HLA-DRB1: variants seen among roughly 807,000 people sequenced by gnomAD.
The protein encoded by HLA-DRB1 is major histocompatibility complex, class II, DR beta 1 precursor.
A neutral mutation model predicts 27.9 loss-of-function variants in HLA-DRB1; 10 were observed. The observed-to-expected ratio is 0.36, with a 90% confidence interval of 0.22 to 0.61. The LOEUF (loss-of-function observed/expected upper bound fraction) is 0.61. HLA-DRB1 is among the 20% of genes least tolerant of loss of function. The probability of loss-of-function intolerance (pLI) is 0.73; values close to 1 mark genes in which losing one functional copy is unlikely to be tolerated. For synonymous variants in HLA-DRB1, 57 were observed against 126.7 expected (o/e 0.45, Z 3.69); for missense variants, 118 against 306.3 (o/e 0.39, Z 4.59).
intron 1 of HLA-DRB1, among the ~76,000 whole-genome samples, chr6:32,585,688 G>A (rs35814026): frequency 6.4e-5 from 7 of 109,854 alleles, no homozygotes; most frequent in East Asian, 5.8e-4. Flanking sequence ...CAGAAACACT[G>A]GTTTATGTCA....
chr6:32,581,035 C>T (rs1419725403), intron 3 of HLA-DRB1, among the ~76,000 whole-genome samples, 179 bp from the exon 4 acceptor site: 1 of 98,468 alleles, frequency 1.0e-5, no homozygotes, highest in Non-Finnish European at 2.2e-5. Context: ...GACGTTCAGA[C>T]ATCAAACTCA....
At chr6:32,580,353 C>T in intron 4 of HLA-DRB1, 83 bp from the exon 5 acceptor site, 1 of 585,956 alleles carries the variant, frequency 1.7e-6, no homozygotes, top group Non-Finnish European at 2.9e-6. Flanking sequence ...CCCCAGATCT[C>T]CCACCTGAGA....
At chr6:32,579,405 C>T (rs9269705) in intron 5 of HLA-DRB1, among the ~76,000 whole-genome samples, 6 of 55,220 alleles carry the variant, frequency 1.1e-4, no homozygotes, top group African/African-American at 2.9e-4. Context: ...GGTTTGTGGT[C>T]TCGCTGACTT....
chr6:32,583,087 A>G (rs1775796580), intron 2 of HLA-DRB1, among the ~76,000 whole-genome samples: 1 of 108,380 alleles, frequency 9.2e-6, no homozygotes, highest in Non-Finnish European at 1.9e-5. Flanking sequence ...ATCTTATAGT[A>G]CAAAGAACGC....
chr6:32,582,999 G>T (rs148909685), intron 2 of HLA-DRB1, among the ~76,000 whole-genome samples: 2,297 of 143,376 alleles, frequency 0.016, 121 homozygotes, highest in African/African-American at 0.057. Flanking sequence ...TTCTTAACAT[G>T]GAAAAGAATT....
intron 1 of HLA-DRB1, 130 bp downstream of exon 1, chr6:32,589,513 A>C (rs564428718): frequency 0.32 from 81,678 of 257,052 alleles, 23,394 homozygotes; most frequent in African/African-American, 0.51. Context: ...TTTGGGATCC[A>C]ATGATAAAGA....
chr6:32,584,607 A>ACC (rs1554127301), intron 1 of HLA-DRB1, among the ~76,000 whole-genome samples: 1 of 115,386 alleles, frequency 8.7e-6, no homozygotes, highest in Non-Finnish European at 1.9e-5. Flanking sequence ...GGCTTTTGGG[A>ACC]CCCCCTCCCT....
At position 32,583,986 on chromosome 6, in the gene HLA-DRB1, CTTCCTCTCTCTG is replaced by C. The variant is rs143774274; in HGVS notation, c.370+111_370+122del. 27 of 242,310 alleles carry C rather than the reference CTTCCTCTCTCTG, an allele frequency of 1.1e-4. 5 individuals are homozygous for C. The highest frequency in any genetic ancestry group is 2.7e-4 in the African/African-American group (3 of 11,104). 15.0% of individuals were successfully genotyped at this position (242,310 alleles called of 1,614,324 possible). Reference sequence around the variant, plus strand: ...CTCACAGATGGCGCTCTCTCTCTCTCTTCCTCTCTCTGTCTCTCTCTGTCTCTCTCTCACACA... The same window carrying C: ...CTCACAGATGGCGCTCTCTCTCTCTCTCTCTCTCTGTCTCTCTCTCACACA... On this transcript the variant is annotated intron_variant, in intron 2 of 5. Coordinates refer to ENST00000360004, the Ensembl canonical transcript of HLA-DRB1.
At chr6:32,589,340 T>A (rs35283879) in intron 1 of HLA-DRB1, among the ~76,000 whole-genome samples, 29,617 of 139,086 alleles carry the variant, frequency 0.21, 319 homozygotes, top group East Asian at 0.26. Context: ...GTATGGGGAA[T>A]TTATTTTAGA....
chr6:32,586,308 C>G (rs34017414), intron 1 of HLA-DRB1, among the ~76,000 whole-genome samples: 1 of 77,768 alleles, frequency 1.3e-5, no homozygotes, highest in East Asian at 4.7e-4. Flanking sequence ...CACTTTTACT[C>G]ACTCTTCAAA....
chr6:32,589,036 T>C (rs1654788857), intron 1 of HLA-DRB1, among the ~76,000 whole-genome samples: 1 of 110,644 alleles, frequency 9.0e-6, no homozygotes. Context: ...TCCAGGGACT[T>C]TTCCCCACAA....
intron 5 of HLA-DRB1, 62 bp from the exon 6 acceptor site, chr6:32,579,166 T>A: frequency 1.7e-6 from 1 of 594,786 alleles, no homozygotes; most frequent in Non-Finnish European, 2.5e-6. Context: ...TCTTTTCCCC[T>A]CTTTCAAGGG....
intron 1 of HLA-DRB1, among the ~76,000 whole-genome samples, chr6:32,588,252 T>C (rs36051508): frequency 7.1e-6 from 1 of 141,104 alleles, no homozygotes; most frequent in African/African-American, 2.6e-5. Context: ...GTCCAGCAGT[T>C]CAAGACCAGC....
intron 1 of HLA-DRB1, among the ~76,000 whole-genome samples, chr6:32,587,692 T>TA (rs144908432): frequency 0.44 from 34,143 of 77,190 alleles, 8,827 homozygotes; most frequent in Middle Eastern, 0.6. Flanking sequence ...TGGAGCTCCC[T>TA]AACATATGAA....
chr6:32,580,113 A>C lies in HLA-DRB1; in HGVS notation c.787+134T>G, dbSNP rs1335310388. 1.1e-4 allele frequency: 11 copies of C among 98,362 alleles called. 3 individuals are homozygous for C. The highest frequency in any genetic ancestry group is 7.3e-4 in the African/African-American group (6 of 8,272). The allele number at this position is 98,362 out of a possible 1,614,324, so 6.1% of individuals were successfully genotyped here. A position where few individuals can be genotyped will look rare whatever the true frequency, so the allele number is the denominator to read the frequency against. Reference sequence around the variant, plus strand: ...GCGAGACTCCGTCTCAAAAAAAAAAAAAAAAAAAAAAACAAAAAAAAACCT... The same window carrying C: ...GCGAGACTCCGTCTCAAAAAAAAAACAAAAAAAAAAAACAAAAAAAAACCT... On this transcript the variant is annotated intron_variant, in intron 5 of 5. Coordinates refer to ENST00000360004, the Ensembl canonical transcript of HLA-DRB1.
chr6:32,579,322 C>G (rs34141664), intron 5 of HLA-DRB1, among the ~76,000 whole-genome samples: 11 of 84,212 alleles, frequency 1.3e-4, no homozygotes, highest in African/African-American at 4.3e-4. Flanking sequence ...CAAAGTCTTT[C>G]CTATTATTTC....
intron 4 of HLA-DRB1, 68 bp downstream of exon 4, chr6:32,580,678 C>T (rs3828818): frequency 0.042 from 53,829 of 1,274,312 alleles, 21 homozygotes; most frequent in Admixed American, 0.075. Flanking sequence ...GAGAACTAAC[C>T]TCAGCAAAGC....
intron 1 of HLA-DRB1, among the ~76,000 whole-genome samples, 188 bp from the exon 2 acceptor site, chr6:32,584,566 G>A (rs1168193531): frequency 2.0e-5 from 3 of 149,830 alleles, no homozygotes; most frequent in South Asian, 2.2e-4. Flanking sequence ...GGGCCTGGGG[G>A]ACCATGCGGG....
rs1436508648 is a variant in HLA-DRB1 at position 32,582,531 on chromosome 6, A to G, written c.371-693T>C. On this transcript the variant is annotated intron_variant, in intron 2 of 5. Transcript: ENST00000360004. ...TTAGGAATACTACTCCCATGCACTCACACCTTAGAACACAACAGAAATTGT... is the reference window on the plus strand; with the variant it reads ...TTAGGAATACTACTCCCATGCACTCGCACCTTAGAACACAACAGAAATTGT... Among the ~76,000 whole-genome samples the G allele has an allele frequency of 6.9e-5, 7 of 101,146 alleles. No individual in the cohort carries two copies. The East Asian group carries it at 1.6e-3, about 23-fold the overall frequency. 66.4% of individuals were successfully genotyped at this position (101,146 alleles called of 152,430 possible). A position where few individuals can be genotyped will look rare whatever the true frequency, so the allele number is the denominator to read the frequency against.
Sources: gnomAD v4.1 joint callset for allele counts (sites outside exome capture counted in the v4.1 genomes callset) on GRCh38, gnomAD v4.1.1 for gene constraint, MANE v1.5 for transcripts, NCBI Gene and HGNC (gene_info 2026-07-23, HGNC 2026-07-21) for gene names.